The following STX8 variants were observed in gnomAD, a reference collection of about 807,000 sequenced individuals.
STX8 encodes the protein syntaxin-8.
A neutral mutation model predicts 37.5 loss-of-function variants in STX8; 23 were observed. The ratio of observed to expected loss-of-function variants is 0.61; its 90% CI spans 0.44 to 0.87. The LOEUF is 0.87. Among genes scored for constraint, STX8 ranks in the 40% least tolerant of loss-of-function variants. STX8 has a pLI of 0.00. For missense variants in STX8, 313 were observed against 284.7 expected (o/e 1.10, Z -0.71); for synonymous variants, 115 against 99.1 (o/e 1.16, Z -0.95).
chr17:9,553,943 A>G (rs1166879946), intron 3 of STX8: 2 of 152,260 alleles, frequency 1.3e-5, no homozygotes, highest in Admixed American at 1.3e-4. Context: ...AAGCTCTCCA[A>G]GAATCCTCTC....
At chr17:9,479,221 T>C (rs926851611) in intron 6 of STX8, among the ~76,000 whole-genome samples, 9 of 152,098 alleles carry the variant, frequency 5.9e-5, no homozygotes, top group African/African-American at 1.9e-4. Flanking sequence ...TGAAAAAATA[T>C]ATATACTTAA....
chr17:9,344,240 T>G (rs1017627014), intron 7 of STX8, among the ~76,000 whole-genome samples: 7 of 143,648 alleles, frequency 4.9e-5, no homozygotes, highest in Non-Finnish European at 1.1e-4. Flanking sequence ...AGGTGGGCAG[T>G]CTGCCTCTGA....
At chr17:9,488,076 C>G (rs1361355087) in intron 6 of STX8, among the ~76,000 whole-genome samples, 1 of 152,064 alleles carries the variant, frequency 6.6e-6, no homozygotes, top group Non-Finnish European at 1.5e-5. Flanking sequence ...CCTGTAATCC[C>G]AGCATTTTGA....
rs558379744 is a variant in STX8 at position 9,465,865 on chromosome 17, G to A, written c.541+25964C>T. Among the ~76,000 whole-genome samples the A allele has an allele frequency of 4.6e-5, 7 of 152,266 alleles. No individual in the cohort carries two copies. The South Asian group carries it at 6.2e-4, about 14-fold the overall frequency. ...CCTCTGGTCTACATACAAGGGATGA[G>A]GTTTGAGAAGATTAAGTGAATTGCT... On this transcript the variant is annotated intron_variant, in intron 6 of 7. Coordinates refer to ENST00000306357, the MANE Select transcript of STX8 (RefSeq NM_004853.3).
chr17:9,469,040 A>T (rs1196417471), intron 6 of STX8: 1 of 152,234 alleles, frequency 6.6e-6, no homozygotes, highest in Non-Finnish European at 1.5e-5. Flanking sequence ...GAAGTGGTAC[A>T]GGTTAAGCCA....
chr17:9,475,012 C>G (rs1906041511), intron 6 of STX8, among the ~76,000 whole-genome samples: 1 of 152,034 alleles, frequency 6.6e-6, no homozygotes, highest in African/African-American at 2.4e-5. Context: ...TTTACTGAAG[C>G]CTCCAGAACA....
intron 7 of STX8, among the ~76,000 whole-genome samples, chr17:9,270,105 G>A (rs528512639): frequency 4.6e-5 from 7 of 152,112 alleles, no homozygotes; most frequent in Admixed American, 6.5e-5. Context: ...GTCTCCTCTC[G>A]TGCCTAGCAC....
intron 6 of STX8, among the ~76,000 whole-genome samples, chr17:9,414,040 AT>A: frequency 8.1e-6 from 1 of 122,932 alleles, no homozygotes; most frequent in Non-Finnish European, 1.8e-5. Context: ...CCAACCATCT[AT>A]CTGCCCGTCC....
chr17:9,506,407 TCCCCC>T (rs57490676), intron 4 of STX8, among the ~76,000 whole-genome samples: 1 of 39,332 alleles, frequency 2.5e-5, no homozygotes, highest in Non-Finnish European at 4.9e-5. Flanking sequence ...GCTCACCCGC[TCCCCC>T]CCCCCCCCAC....
intron 7 of STX8, among the ~76,000 whole-genome samples, chr17:9,295,575 CTACTAA>C (rs1473602168): frequency 6.6e-6 from 1 of 151,126 alleles, no homozygotes; most frequent in Non-Finnish European, 1.5e-5. Context: ...AATCCCGTCT[CTACTAA>C]AAATACAAAA....
chr17:9,449,705 A>C (rs545557945), intron 6 of STX8, among the ~76,000 whole-genome samples: 1 of 152,220 alleles, frequency 6.6e-6, no homozygotes, highest in Non-Finnish European at 1.5e-5. Context: ...GCCAGATACA[A>C]AAAGCTACAA....
At chr17:9,441,637 G>A (rs191636072) in intron 6 of STX8, among the ~76,000 whole-genome samples, 28 of 150,148 alleles carry the variant, frequency 1.9e-4, no homozygotes, top group African/African-American at 6.1e-4. Context: ...GCCCTAAGAC[G>A]CTGAGCTCTT....
At chr17:9,477,593 G>A (rs1361671592) in intron 6 of STX8, among the ~76,000 whole-genome samples, 2 of 152,148 alleles carry the variant, frequency 1.3e-5, no homozygotes, top group Non-Finnish European at 2.9e-5. Context: ...TAATAAAATG[G>A]ATACAGCAAT....
At chr17:9,308,315 G>A (rs1909071757) in intron 7 of STX8, among the ~76,000 whole-genome samples, 2 of 152,198 alleles carry the variant, frequency 1.3e-5, no homozygotes, top group Non-Finnish European at 2.9e-5. Context: ...TTCAGACAAG[G>A]TAGGTCAGGG....
chr17:9,501,835 G>C (rs754626314), intron 5 of STX8, among the ~76,000 whole-genome samples: 11 of 152,182 alleles, frequency 7.2e-5, no homozygotes, highest in African/African-American at 1.4e-4. Context: ...CAGGCATGGT[G>C]GTGGGTGCTT....
At chr17:9,459,219 C>G (rs1905280370) in intron 6 of STX8, among the ~76,000 whole-genome samples, 1 of 152,124 alleles carries the variant, frequency 6.6e-6, no homozygotes, top group Non-Finnish European at 1.5e-5. Context: ...AGGGTAAAAA[C>G]AGAACTCTAA....
chr17:9,457,003 G>A (rs1434139777), intron 6 of STX8, among the ~76,000 whole-genome samples: 2 of 152,188 alleles, frequency 1.3e-5, no homozygotes, highest in African/African-American at 4.8e-5. Context: ...GTGGCTGCAA[G>A]TAGCAGAAAA....
chr17:9,398,005 G>A (rs77858474), intron 6 of STX8, among the ~76,000 whole-genome samples: 77,122 of 137,296 alleles, frequency 0.56, 22,745 homozygotes, highest in East Asian at 0.77. Context: ...AAAAAAGAAA[G>A]AAAGAACAAA....
intron 6 of STX8, among the ~76,000 whole-genome samples, chr17:9,487,244 T>C (rs1906637897): frequency 6.6e-6 from 1 of 152,194 alleles, no homozygotes; most frequent in African/African-American, 2.4e-5. Flanking sequence ...ATTTTGATAC[T>C]TGATTCCAAA....
Sources: gnomAD v4.1 joint callset for allele counts (sites outside exome capture counted in the v4.1 genomes callset) on GRCh38, gnomAD v4.1.1 for gene constraint, MANE v1.5 for transcripts, NCBI Gene and HGNC (gene_info 2026-07-23, HGNC 2026-07-21) for gene names.